TTC28: variants seen among roughly 807,000 people sequenced by gnomAD.
TTC28 encodes tetratricopeptide repeat protein 28.
In TTC28, 61 loss-of-function variants were observed where a neutral mutation model predicts 198.0. The observed-to-expected ratio is 0.31, with a 90% CI of 0.25 to 0.38. The LOEUF is 0.38. TTC28 is among the 10% of genes least tolerant of loss of function. The pLI is 1.00. For synonymous variants in TTC28, 1,171 were observed against 1,297.8 expected (o/e 0.90, Z 2.10); for missense variants, 2,678 against 3,164.0 (o/e 0.85, Z 3.69).
rs143302212 is a variant in TTC28, at chr22:28,066,492, C to A, written c.3932+27588G>T. ...TTCACTGACTACTACTCATTTCCCC[C>A]ACCCCCAAACCTCTGGTCACCACCA... is the stretch of plus-strand genomic sequence containing the variant. On this transcript the variant is annotated intron_variant, in intron 12 of 22. Coordinates refer to ENST00000397906, the MANE Select transcript of TTC28 (RefSeq NM_001145418.2). 3.3e-4 allele frequency among the ~76,000 whole-genome samples: 50 copies of A among 152,230 alleles called. 1 individual carries two copies. Among genetic ancestry groups the A allele is most frequent in the African/African-American group, 1.2e-3 (48 of 41,536 alleles).
intron 2 of TTC28, among the ~76,000 whole-genome samples, chr22:28,528,434 A>G (rs762206897): frequency 5.9e-5 from 9 of 152,062 alleles, no homozygotes; most frequent in Middle Eastern, 3.2e-3. Flanking sequence ...AAGTCAGCTT[A>G]AAAACCCAGT....
At chr22:28,087,566 C>A (rs954473644) in intron 12 of TTC28, among the ~76,000 whole-genome samples, 14 of 151,958 alleles carry the variant, frequency 9.2e-5, no homozygotes, top group Non-Finnish European at 1.5e-4. Context: ...TACTGAATGG[C>A]CAAAAACTGG....
At chr22:28,119,290 T>A (rs1004499156) in intron 6 of TTC28, among the ~76,000 whole-genome samples, 1 of 152,178 alleles carries the variant, frequency 6.6e-6, no homozygotes, top group South Asian at 2.1e-4. Flanking sequence ...TTGGTATTAT[T>A]CCAAACAGCT....
chr22:28,352,066 A>G (rs909754747), intron 2 of TTC28, among the ~76,000 whole-genome samples: 1 of 152,216 alleles, frequency 6.6e-6, no homozygotes, highest in Non-Finnish European at 1.5e-5. Context: ...CAGGTTACAC[A>G]GAATTCATTT....
chr22:28,197,512 G>GT (rs1925493589), intron 5 of TTC28, among the ~76,000 whole-genome samples: 1 of 151,940 alleles, frequency 6.6e-6, no homozygotes, highest in Non-Finnish European at 1.5e-5. Flanking sequence ...AGAAGCAAAT[G>GT]TAAGTGATTA....
chr22:28,590,034 C>CACAAAAAA (rs2050396172), intron 2 of TTC28, among the ~76,000 whole-genome samples: 1 of 68,076 alleles, frequency 1.5e-5, no homozygotes, highest in Non-Finnish European at 2.4e-5. Flanking sequence ...AAGACTCCAT[C>CACAAAAAA]AAAAAAAAAA....
intron 2 of TTC28, among the ~76,000 whole-genome samples, chr22:28,524,485 A>G (rs1362877212): frequency 2.7e-5 from 4 of 150,646 alleles, no homozygotes; most frequent in East Asian, 2.0e-4. Flanking sequence ...AAAATATTCA[A>G]CGGTATCCAG....
chr22:28,520,924 G>C (rs112076018), intron 2 of TTC28, among the ~76,000 whole-genome samples: 33 of 152,164 alleles, frequency 2.2e-4, no homozygotes, highest in Non-Finnish European at 4.0e-4. Flanking sequence ...GTAGTGGCAC[G>C]TGCCTGTAGT....
At chr22:28,500,861 A>G (rs768583422) in intron 2 of TTC28, among the ~76,000 whole-genome samples, 3 of 152,184 alleles carry the variant, frequency 2.0e-5, no homozygotes, top group Non-Finnish European at 4.4e-5. Flanking sequence ...ATAAACTAGA[A>G]ATGTATCAAT....
intron 1 of TTC28, among the ~76,000 whole-genome samples, chr22:28,646,497 T>G (rs2051469004): frequency 6.6e-6 from 1 of 152,168 alleles, no homozygotes; most frequent in Non-Finnish European, 1.5e-5. Context: ...AATCTGCAGA[T>G]TCAGTGCAAT....
intron 1 of TTC28, among the ~76,000 whole-genome samples, chr22:28,676,546 T>C (rs961819721): frequency 5.3e-5 from 8 of 152,186 alleles, no homozygotes; most frequent in Admixed American, 2.0e-4. Flanking sequence ...TAAAGCTTTT[T>C]AAAGACACTT....
chr22:28,209,893 G>A (rs182238886), intron 5 of TTC28, among the ~76,000 whole-genome samples: 1 of 152,252 alleles, frequency 6.6e-6, no homozygotes, highest in East Asian at 1.9e-4. Context: ...TCCCAGTAGG[G>A]GCCGACTGAC....
At chr22:28,221,945 G>A (rs1927905941) in intron 5 of TTC28, among the ~76,000 whole-genome samples, 1 of 152,164 alleles carries the variant, frequency 6.6e-6, no homozygotes, top group African/African-American at 2.4e-5. Flanking sequence ...AATAGTGGCT[G>A]GCATTTAGTG....
At chr22:28,558,443 G>A (rs561128548) in intron 2 of TTC28, among the ~76,000 whole-genome samples, 2 of 151,414 alleles carry the variant, frequency 1.3e-5, no homozygotes, top group African/African-American at 4.8e-5. Context: ...GGAGGCAGAG[G>A]CAGGTGGATC....
chr22:28,575,640 T>A (rs1461486628), intron 2 of TTC28, among the ~76,000 whole-genome samples: 2 of 152,138 alleles, frequency 1.3e-5, no homozygotes, highest in African/African-American at 4.8e-5. Context: ...CCAATCCATG[T>A]ACATGGAATA....
chr22:28,457,797 T>C (rs2047885620), intron 2 of TTC28, among the ~76,000 whole-genome samples: 1 of 152,190 alleles, frequency 6.6e-6, no homozygotes, highest in Non-Finnish European at 1.5e-5. Flanking sequence ...TTCTGCCACA[T>C]AAATTTCAAA....
At chr22:28,426,808 TA>T (rs1569319107) in intron 2 of TTC28, among the ~76,000 whole-genome samples, 1 of 152,070 alleles carries the variant, frequency 6.6e-6, no homozygotes, top group Non-Finnish European at 1.5e-5. Flanking sequence ...AGTACCCCAT[TA>T]AAAAAGTAAC....
intron 5 of TTC28, among the ~76,000 whole-genome samples, chr22:28,169,576 A>C (rs1192763098): frequency 6.6e-6 from 1 of 152,160 alleles, no homozygotes; most frequent in Non-Finnish European, 1.5e-5. Flanking sequence ...AAGGACAAAA[A>C]ACCAAACACC....
chr22:28,150,661 C>G (rs1341085988), intron 6 of TTC28, among the ~76,000 whole-genome samples: 2 of 152,210 alleles, frequency 1.3e-5, no homozygotes, highest in Admixed American at 1.3e-4. Context: ...AGGGTCACAT[C>G]TGCACTCACC....
Sources: allele counts gnomAD v4.1 joint callset (sites outside exome capture counted in the v4.1 genomes callset), GRCh38; gene constraint gnomAD v4.1.1; transcripts MANE v1.5; gene names NCBI Gene and HGNC (gene_info 2026-07-23, HGNC 2026-07-21).